Variants in GALNT10 observed in about 807,000 individuals in gnomAD.
The protein encoded by GALNT10 is GalNAc transferase 10.
A neutral mutation model predicts 75.0 loss-of-function variants in GALNT10; 41 were observed. The ratio of observed to expected loss-of-function variants is 0.55; its 90% CI spans 0.43 to 0.71. The LOEUF is 0.71. Among genes scored for constraint, GALNT10 ranks in the 30% least tolerant of loss-of-function variants. GALNT10 has a pLI of 0.00. For synonymous variants in GALNT10, 302 were observed against 313.0 expected (o/e 0.96, Z 0.37); for missense variants, 727 against 818.5 (o/e 0.89, Z 1.36).
chr5:154,415,548 A>AG (rs1280743667), intron 10 of GALNT10, among the ~76,000 whole-genome samples: 1 of 152,124 alleles, frequency 6.6e-6, no homozygotes, highest in Admixed American at 6.6e-5. Context: ...CACGTTAGCC[A>AG]GCCTGTTCTC....
intron 1 of GALNT10, among the ~76,000 whole-genome samples, chr5:154,286,475 C>A (rs989044838): frequency 4.6e-5 from 7 of 150,876 alleles, no homozygotes; most frequent in Non-Finnish European, 1.0e-4. Flanking sequence ...AAGGGAAAAG[C>A]TACTGAAGGT....
At chr5:154,269,900 G>A (rs953038900) in intron 1 of GALNT10, among the ~76,000 whole-genome samples, 2 of 152,192 alleles carry the variant, frequency 1.3e-5, no homozygotes, top group Non-Finnish European at 2.9e-5. Context: ...TTGTCTGAAG[G>A]AAGAAGGAAA....
At chr5:154,405,619 A>G (rs542288948) in intron 8 of GALNT10, among the ~76,000 whole-genome samples, 4 of 151,944 alleles carry the variant, frequency 2.6e-5, no homozygotes, top group Admixed American at 2.0e-4. Flanking sequence ...GGACACTCCA[A>G]CTCCAGACCA....
chr5:154,199,725 G>C (rs1040981105), intron 1 of GALNT10, among the ~76,000 whole-genome samples: 1 of 152,166 alleles, frequency 6.6e-6, no homozygotes, highest in African/African-American at 2.4e-5. Flanking sequence ...GGAAGGGTTA[G>C]TATTGTGGAG....
rs1035380170 is a variant in GALNT10, at chr5:154,209,015, G to A, written c.159+17990G>A. On this transcript the variant is annotated intron_variant, in intron 1 of 11. Transcript: ENST00000297107. ...TCACAGGAAATCTGCCTGCTAGGGT[G>A]CTGGAGGAAGAAACACATGGTGAGG... Among the ~76,000 whole-genome samples the A allele has an allele frequency of 4.6e-5, 7 of 152,324 alleles. No homozygotes were observed. The East Asian group carries it at 1.2e-3, about 25-fold the overall frequency.
At chr5:154,375,516 C>G (rs1334946979) in intron 4 of GALNT10, among the ~76,000 whole-genome samples, 1 of 152,196 alleles carries the variant, frequency 6.6e-6, no homozygotes, top group African/African-American at 2.4e-5. Context: ...AATTTGCTGT[C>G]TTGTGTAATA....
At chr5:154,367,143 T>C (rs564162201) in intron 4 of GALNT10, among the ~76,000 whole-genome samples, 12 of 152,310 alleles carry the variant, frequency 7.9e-5, no homozygotes, top group African/African-American at 2.6e-4. Flanking sequence ...ACCTTGTATT[T>C]CAGTTATATG....
chr5:154,339,867 G>A (rs931117427), intron 4 of GALNT10, among the ~76,000 whole-genome samples: 3 of 152,154 alleles, frequency 2.0e-5, no homozygotes, highest in Non-Finnish European at 4.4e-5. Context: ...ACACAAGACT[G>A]GGGAACCTTG....
At chr5:154,318,532 CTATCT>C (rs1754630797) in intron 3 of GALNT10, among the ~76,000 whole-genome samples, 1 of 152,142 alleles carries the variant, frequency 6.6e-6, no homozygotes, top group South Asian at 2.1e-4. Context: ...TTTCTTCTCT[CTATCT>C]TGTTTCTTCC....
intron 1 of GALNT10, among the ~76,000 whole-genome samples, chr5:154,252,219 C>G (rs1443289168): frequency 6.6e-6 from 1 of 152,146 alleles, no homozygotes; most frequent in Non-Finnish European, 1.5e-5. Context: ...TGTTATACCA[C>G]TGTCTCCCTC....
chr5:154,389,851 T>C (rs1398909103), intron 7 of GALNT10, among the ~76,000 whole-genome samples: 1 of 152,082 alleles, frequency 6.6e-6, no homozygotes, highest in Non-Finnish European at 1.5e-5. Flanking sequence ...TCTGTATTAC[T>C]GTATAGAATC....
intron 10 of GALNT10, 112 bp downstream of exon 10, chr5:154,413,117 G>C: frequency 1.4e-6 from 1 of 692,942 alleles, no homozygotes; most frequent in Non-Finnish European, 2.5e-6. Context: ...TAAATGACAA[G>C]AGTCAGCCCC....
intron 7 of GALNT10, chr5:154,387,962 T>C (rs1755833350): frequency 6.6e-6 from 1 of 150,402 alleles, no homozygotes; most frequent in South Asian, 2.1e-4. Context: ...TGGAGTGCAG[T>C]AGTGCGATCT....
chr5:154,410,715 C>T lies in GALNT10; in HGVS notation c.1386+953C>T, dbSNP rs552706838. On this transcript the variant is annotated intron_variant, in intron 9 of 11. Transcript: ENST00000297107. ...TTCTTAGCACACCCAGAGCGAGTTC[C>T]GGTTTGAAGGGAAAGCAGGGCCTCT... Among the ~76,000 whole-genome samples, 17 of 152,268 alleles carry T rather than the reference C, an allele frequency of 1.1e-4. No homozygotes were observed. The East Asian group carries it at 1.4e-3, about 12-fold the overall frequency.
Position 154,412,557 on chromosome 5 carries a change from G to A in GALNT10, c.1387-332G>A, listed in dbSNP as rs999226475. ...TCACCTGGAATGGGGGTAAAATCTG[G>A]TTCCTGGACCTGTCGGTTCAATTTC... On this transcript the variant is annotated intron_variant, in intron 9 of 11. Transcript: ENST00000297107. This position sits in a 1 kb window ranked among gnomAD's most constrained non-coding sequence, Gnocchi z 4.2. The A allele has an allele frequency of 2.7e-5, 8 of 295,244 alleles. No homozygotes were observed. In the East Asian group the frequency reaches 8.9e-4, roughly 33 times the overall value. 18.3% of individuals were successfully genotyped at this position (295,244 alleles called of 1,614,324 possible).
intron 1 of GALNT10, among the ~76,000 whole-genome samples, chr5:154,205,063 T>C (rs1180195003): frequency 5.3e-5 from 8 of 152,188 alleles, no homozygotes; most frequent in Non-Finnish European, 1.0e-4. Context: ...TCCTCCGTGT[T>C]TCATTTGGAC....
chr5:154,356,090 A>G, intron 4 of GALNT10: 2 of 455,564 alleles, frequency 4.4e-6, no homozygotes, highest in Non-Finnish European at 8.8e-6. Flanking sequence ...AATTGAATTC[A>G]TTTCATCTTC....
Position 154,190,862 on chromosome 5 carries a change from C to G in GALNT10, c.-5C>G. On this transcript the variant is annotated 5_prime_UTR_variant, in exon 1 of 12. Coordinates refer to ENST00000297107, the MANE Select transcript of GALNT10 (RefSeq NM_198321.4). Reference sequence around the variant, plus strand: ...GGCGGGGCGCGGCGGGGCTGACCGGCCCCGATGAGGCGGAAGGAGAAGCGG... The same window carrying G: ...GGCGGGGCGCGGCGGGGCTGACCGGGCCCGATGAGGCGGAAGGAGAAGCGG... 1 of 1,348,848 alleles carries G rather than the reference C, an allele frequency of 7.4e-7. No homozygotes were observed. The highest frequency in any genetic ancestry group is 9.6e-7 in the Non-Finnish European group (1 of 1,040,530). The allele number at this position is 1,348,848 out of a possible 1,614,324, so 83.6% of individuals were successfully genotyped here. A position where few individuals can be genotyped will look rare whatever the true frequency, so the allele number is the denominator to read the frequency against.
intron 1 of GALNT10, among the ~76,000 whole-genome samples, chr5:154,224,730 G>A (rs1274281192): frequency 6.6e-6 from 1 of 150,442 alleles, no homozygotes; most frequent in Admixed American, 6.6e-5. Flanking sequence ...AGATACTGAA[G>A]ATACAGTGGA....
Sources: gnomAD v4.1 joint callset for allele counts (sites outside exome capture counted in the v4.1 genomes callset) on GRCh38, gnomAD v4.1.1 for gene constraint, Gnocchi (gnomAD v3.1) non-coding constraint, MANE v1.5 for transcripts, NCBI Gene and HGNC (gene_info 2026-07-23, HGNC 2026-07-21) for gene names.